The following THSD7B variants were observed in gnomAD, a reference collection of about 807,000 sequenced individuals.
THSD7B encodes thrombospondin type-1 domain-containing protein 7B.
A neutral mutation model predicts 213.6 loss-of-function variants in THSD7B; 138 were observed. The observed-to-expected ratio is 0.65, with a 90% CI of 0.56 to 0.74. The LOEUF (loss-of-function observed/expected upper bound fraction) is 0.74, where lower values mean the gene tolerates loss of function less well. Among genes scored for constraint, THSD7B ranks in the 30% least tolerant of loss-of-function variants. The pLI is 0.00. For synonymous variants in THSD7B, 742 were observed against 687.0 expected (o/e 1.08, Z -1.25); for missense variants, 1,931 against 1,991.5 (o/e 0.97, Z 0.58).
At chr2:137,228,701 C>A (rs1270973610) in intron 7 of THSD7B, among the ~76,000 whole-genome samples, 1 of 152,146 alleles carries the variant, frequency 6.6e-6, no homozygotes, top group East Asian at 1.9e-4. Context: ...TTGGAGGGAA[C>A]CATGCCAATC....
In THSD7B at chr2:136,913,856, T is replaced by C. The variant is rs552629194; in HGVS notation, c.139+31539T>C. The stretch of plus-strand genomic sequence containing the variant: ...TCATGGAGAACCTCTGCTAGGGCAG[T>C]GCAGAAGGGAAATGTGGGGTTGGAG... On this transcript the variant is annotated intron_variant, in intron 2 of 27. Coordinates refer to ENST00000409968, the MANE Select transcript of THSD7B (RefSeq NM_001316349.2). 7.9e-5 allele frequency among the ~76,000 whole-genome samples: 12 copies of C among 152,350 alleles called. No homozygotes were observed. The East Asian group carries it at 1.7e-3, about 22-fold the overall frequency.
At chr2:137,069,016 T>G (rs1475960013) in intron 3 of THSD7B, among the ~76,000 whole-genome samples, 1 of 152,058 alleles carries the variant, frequency 6.6e-6, no homozygotes, top group Non-Finnish European at 1.5e-5. Flanking sequence ...TTTTCACAGT[T>G]ATATTTGCAA....
At chr2:136,934,456 A>G (rs1240401029) in intron 2 of THSD7B, among the ~76,000 whole-genome samples, 2 of 152,164 alleles carry the variant, frequency 1.3e-5, no homozygotes, top group African/African-American at 4.8e-5. Flanking sequence ...TAAAAATAAA[A>G]ATTTATGTCT....
At chr2:136,891,594 C>A (rs771935564) in intron 2 of THSD7B, among the ~76,000 whole-genome samples, 21 of 152,342 alleles carry the variant, frequency 1.4e-4, no homozygotes, top group African/African-American at 3.6e-4. Context: ...GTGGTCCAGA[C>A]TGGAGGCTCC....
At chr2:137,374,944 C>T (rs1685618902) in intron 12 of THSD7B, among the ~76,000 whole-genome samples, 1 of 152,144 alleles carries the variant, frequency 6.6e-6, no homozygotes. Flanking sequence ...CATGTTGCCT[C>T]CTCAGGTTGT....
At chr2:137,483,987 C>G (rs1053739236) in intron 15 of THSD7B, among the ~76,000 whole-genome samples, 13 of 152,052 alleles carry the variant, frequency 8.5e-5, no homozygotes, top group African/African-American at 2.9e-4. Context: ...GCGATTCGTT[C>G]CAGACATGCT....
At chr2:136,790,320 T>C (rs966433049) in intron 1 of THSD7B, among the ~76,000 whole-genome samples, 1 of 152,082 alleles carries the variant, frequency 6.6e-6, no homozygotes, top group African/African-American at 2.4e-5. Flanking sequence ...AACCACCTTA[T>C]TTAATATCTT....
At chr2:136,824,040 A>G (rs919079374) in intron 1 of THSD7B, among the ~76,000 whole-genome samples, 5 of 152,190 alleles carry the variant, frequency 3.3e-5, no homozygotes, top group African/African-American at 1.2e-4. Flanking sequence ...TAATCCTCAC[A>G]ACAATGTACT....
intron 2 of THSD7B, among the ~76,000 whole-genome samples, chr2:136,997,148 G>T (rs1685907192): frequency 2.0e-5 from 3 of 152,124 alleles, no homozygotes; most frequent in Non-Finnish European, 1.5e-5. Context: ...AAAATACATT[G>T]TGCTGACTCT....
intron 15 of THSD7B, among the ~76,000 whole-genome samples, chr2:137,507,742 C>A (rs1026735344): frequency 1.2e-4 from 18 of 151,750 alleles, no homozygotes; most frequent in African/African-American, 4.4e-4. Flanking sequence ...CTCTCTACTT[C>A]TTTCCCTCTC....
intron 17 of THSD7B, among the ~76,000 whole-genome samples, chr2:137,606,733 G>A (rs189647522): frequency 9.2e-5 from 14 of 152,190 alleles, no homozygotes; most frequent in African/African-American, 3.4e-4. Context: ...TTTAAATTTG[G>A]TTCTTGAATG....
chr2:137,273,084 C>T (rs1682786663), intron 11 of THSD7B, among the ~76,000 whole-genome samples: 1 of 148,816 alleles, frequency 6.7e-6, no homozygotes, highest in African/African-American at 2.5e-5. Flanking sequence ...GGTAACTTAC[C>T]TTCATTCTAT....
At chr2:137,625,433 C>G (rs1682605502) in intron 20 of THSD7B, among the ~76,000 whole-genome samples, 2 of 151,408 alleles carry the variant, frequency 1.3e-5, no homozygotes, top group African/African-American at 4.9e-5. Context: ...ATGTAACAAA[C>G]CTGCACGTTG....
At chr2:136,967,130 A>T (rs1392085790) in intron 2 of THSD7B, among the ~76,000 whole-genome samples, 2 of 152,308 alleles carry the variant, frequency 1.3e-5, no homozygotes, top group East Asian at 3.9e-4. Context: ...AGGTACTGAA[A>T]AAAGCATTTC....
chr2:136,927,415 G>A (rs958566053), intron 2 of THSD7B, among the ~76,000 whole-genome samples: 1 of 152,076 alleles, frequency 6.6e-6, no homozygotes, highest in African/African-American at 2.4e-5. Flanking sequence ...ATTGACTTCT[G>A]GAATACTAAC....
In THSD7B at chr2:137,659,762, G is replaced by T; in HGVS notation, c.4458+16G>T. The T allele has an allele frequency of 6.3e-7, 1 of 1,587,904 alleles. No homozygotes were observed. The highest frequency in any genetic ancestry group is 2.3e-5 in the East Asian group (1 of 43,916). On this transcript the variant is annotated intron_variant, in intron 25 of 27. Transcript: ENST00000409968. ...CTGTACACAGGTGAGTCATGTGCTG[G>T]AGTCTTCTATAAGTGCATTAATTGC...
intron 2 of THSD7B, among the ~76,000 whole-genome samples, chr2:136,898,677 C>T (rs1684009406): frequency 6.7e-6 from 1 of 148,176 alleles, no homozygotes; most frequent in South Asian, 2.1e-4. Flanking sequence ...GGAGTCTCCC[C>T]CCATCACCAG....
intron 21 of THSD7B, among the ~76,000 whole-genome samples, chr2:137,650,617 T>C (rs1230206762): frequency 6.6e-6 from 1 of 152,198 alleles, no homozygotes; most frequent in African/African-American, 2.4e-5. Context: ...TCCAGTATTA[T>C]GTTGAACAAA....
rs375052420 is a variant in THSD7B, at chr2:137,425,852, C to A, written c.2959+13980C>A. On this transcript the variant is annotated intron_variant, in intron 14 of 27. Coordinates refer to ENST00000409968, the MANE Select transcript of THSD7B (RefSeq NM_001316349.2). The stretch of plus-strand genomic sequence containing the variant: ...ATCCTAGCTAGAGCAATGATGCAAG[C>A]AAATAAGTTAAAGGCATCAAAAACA... Among the ~76,000 whole-genome samples the A allele has an allele frequency of 1.6e-4, 25 of 152,108 alleles. No individual in the cohort carries two copies. The East Asian group carries it at 4.5e-3, about 27-fold the overall frequency.
Sources: allele counts gnomAD v4.1 joint callset (sites outside exome capture counted in the v4.1 genomes callset), GRCh38; gene constraint gnomAD v4.1.1; transcripts MANE v1.5; gene names NCBI Gene and HGNC (gene_info 2026-07-23, HGNC 2026-07-21).